CERS6: variants seen among roughly 807,000 people sequenced by gnomAD.
The protein encoded by CERS6 is LAG1 homolog, ceramide synthase 6.
Under a neutral mutation model 56.8 loss-of-function variants are expected in CERS6, and 26 were observed. The ratio of observed to expected loss-of-function variants is 0.46; its 90% CI spans 0.34 to 0.63. The LOEUF (loss-of-function observed/expected upper bound fraction) is 0.63, where lower values mean the gene tolerates loss of function less well. Among genes scored for constraint, CERS6 ranks in the 30% least tolerant of loss-of-function variants. The pLI is 0.01. For synonymous variants in CERS6, 164 were observed against 173.3 expected (o/e 0.95, Z 0.42); for missense variants, 415 against 467.5 (o/e 0.89, Z 1.04).
At chr2:168,732,632 G>A (rs1436019326) in intron 8 of CERS6, among the ~76,000 whole-genome samples, 1 of 152,152 alleles carries the variant, frequency 6.6e-6, no homozygotes, top group Non-Finnish European at 1.5e-5. Flanking sequence ...CCTTACAGCT[G>A]TTGTCTGGGT....
intron 8 of CERS6, among the ~76,000 whole-genome samples, chr2:168,759,619 A>G (rs1684511466): frequency 6.6e-6 from 1 of 152,164 alleles, no homozygotes; most frequent in East Asian, 1.9e-4. Context: ...GAATCATAAG[A>G]TTTAATTTGG....
chr2:168,623,532 C>T (rs572171350), intron 3 of CERS6, among the ~76,000 whole-genome samples: 215 of 152,138 alleles, frequency 1.4e-3, no homozygotes, highest in African/African-American at 5.0e-3. Context: ...GCTCATGGGA[C>T]GAGAAAGAAT....
intron 1 of CERS6, among the ~76,000 whole-genome samples, chr2:168,477,173 C>CAGAGACAG (rs1694088727): frequency 8.7e-6 from 1 of 115,454 alleles, no homozygotes; most frequent in Non-Finnish European, 1.8e-5. Flanking sequence ...GAGGGAGAGA[C>CAGAGACAG]AGAGAGAGAG....
chr2:168,556,213 A>C (rs1401591816), intron 2 of CERS6, among the ~76,000 whole-genome samples: 1 of 152,182 alleles, frequency 6.6e-6, no homozygotes. Flanking sequence ...TTCAATAAAA[A>C]ACAAAAGCAA....
rs756044038 is a variant in CERS6, at chr2:168,714,981, A to G, written c.610-20A>G. The G allele has an allele frequency of 2.4e-5, 39 of 1,596,354 alleles. No individual in the cohort carries two copies. The highest frequency in any genetic ancestry group is 1.7e-4 in the Middle Eastern group (1 of 5,976). On this transcript the variant is annotated intron_variant, in intron 6 of 9. Transcript: ENST00000305747. The stretch of plus-strand genomic sequence containing the variant: ...GTGATGTTGCTAAACTCTAATATGG[A>G]TGTTTCTTCTTTCCTCAAGGACTTT...
intron 1 of CERS6, among the ~76,000 whole-genome samples, chr2:168,519,348 A>G (rs1453608028): frequency 6.6e-6 from 1 of 152,154 alleles, no homozygotes; most frequent in Non-Finnish European, 1.5e-5. Flanking sequence ...AGCAATAGAC[A>G]TTTATGATAT....
intron 4 of CERS6, among the ~76,000 whole-genome samples, chr2:168,668,994 T>C (rs1269774407): frequency 6.6e-6 from 1 of 152,282 alleles, no homozygotes; most frequent in South Asian, 2.1e-4. Flanking sequence ...TTATCTGACT[T>C]TGTATGTCCC....
At chr2:168,682,174 T>C (rs1686233883) in intron 4 of CERS6, among the ~76,000 whole-genome samples, 1 of 152,222 alleles carries the variant, frequency 6.6e-6, no homozygotes, top group African/African-American at 2.4e-5. Context: ...GTTCTATTTT[T>C]AGTTTGCCCG....
intron 4 of CERS6, among the ~76,000 whole-genome samples, chr2:168,645,142 T>TAGAGAGAGAG (rs35865470): frequency 3.3e-3 from 42 of 12,742 alleles, no homozygotes; most frequent in Non-Finnish European, 4.5e-3. Context: ...TATATATATA[T>TAGAGAGAGAG]AGAGAGAGAG....
At chr2:168,727,534 C>G (rs1238387376) in intron 8 of CERS6, among the ~76,000 whole-genome samples, 1 of 145,444 alleles carries the variant, frequency 6.9e-6, no homozygotes, top group African/African-American at 2.6e-5. Context: ...GGAGACAGAG[C>G]GAGACTCCAT....
At chr2:168,610,546 G>A (rs561873022) in intron 3 of CERS6, among the ~76,000 whole-genome samples, 6 of 152,196 alleles carry the variant, frequency 3.9e-5, no homozygotes, top group East Asian at 1.9e-4. Flanking sequence ...TTTTCCAAAC[G>A]GAGAACTGAG....
intron 2 of CERS6, among the ~76,000 whole-genome samples, chr2:168,549,932 T>G (rs1695536299): frequency 6.6e-6 from 1 of 152,132 alleles, no homozygotes; most frequent in Admixed American, 6.5e-5. Context: ...TCCAGTATCC[T>G]GGCCTTACCA....
chr2:168,696,650 G>A (rs993296550), intron 6 of CERS6, among the ~76,000 whole-genome samples: 3 of 152,144 alleles, frequency 2.0e-5, no homozygotes, highest in African/African-American at 7.2e-5. Context: ...TCTGGCAACA[G>A]CCCACTTTCT....
intron 3 of CERS6, among the ~76,000 whole-genome samples, chr2:168,608,806 T>G (rs1283919275): frequency 6.6e-6 from 1 of 152,218 alleles, no homozygotes; most frequent in East Asian, 1.9e-4. Context: ...AGTCTATGGC[T>G]TGCCTTTTAT....
chr2:168,609,678 T>C (rs1684137545), intron 3 of CERS6, among the ~76,000 whole-genome samples: 1 of 152,170 alleles, frequency 6.6e-6, no homozygotes, highest in Non-Finnish European at 1.5e-5. Flanking sequence ...CCCTAAAGTC[T>C]TGAGAGGATT....
At chr2:168,766,684 A>C (rs562540734) in intron 9 of CERS6, among the ~76,000 whole-genome samples, 1 of 152,238 alleles carries the variant, frequency 6.6e-6, no homozygotes, top group Non-Finnish European at 1.5e-5. Flanking sequence ...GACCAAAGTA[A>C]AGTAGGAGAA....
Position 168,564,224 on chromosome 2 carries a change from G to A in CERS6, c.407+2902G>A, listed in dbSNP as rs183177139. On this transcript the variant is annotated intron_variant, in intron 3 of 9. Transcript: ENST00000305747. ...GTGCAGATGTTTCTTCTAAGGCATC[G>A]TTCTGCGGGCTCCAACTGGCAGTTC... Among the ~76,000 whole-genome samples the A allele has an allele frequency of 2.1e-3, 316 of 152,190 alleles. 1 individual carries two copies. The highest frequency in any genetic ancestry group is 2.6e-3 in the African/African-American group (108 of 41,510).
chr2:168,703,036 T>A (rs1686842207), intron 6 of CERS6, among the ~76,000 whole-genome samples: 1 of 152,212 alleles, frequency 6.6e-6, no homozygotes, highest in African/African-American at 2.4e-5. Flanking sequence ...TTTTTGAAAA[T>A]GTAATTTTTA....
intron 3 of CERS6, among the ~76,000 whole-genome samples, chr2:168,592,224 G>A (rs1360935445): frequency 2.0e-5 from 3 of 152,324 alleles, no homozygotes; most frequent in East Asian, 1.9e-4. Context: ...GGAGGAGGTG[G>A]TGTTTCAGAA....
Sources: allele counts gnomAD v4.1 joint callset (sites outside exome capture counted in the v4.1 genomes callset), GRCh38; gene constraint gnomAD v4.1.1; transcripts MANE v1.5; gene names NCBI Gene and HGNC (gene_info 2026-07-23, HGNC 2026-07-21).